ARHGEF10L: variants seen among roughly 807,000 people sequenced by gnomAD.
ARHGEF10L encodes rho guanine nucleotide exchange factor 10-like protein.
A neutral mutation model predicts 141.2 loss-of-function variants in ARHGEF10L; 69 were observed. That is an observed-to-expected ratio of 0.49 (90% CI 0.40 to 0.60). The LOEUF (loss-of-function observed/expected upper bound fraction) is 0.60. Ranked by LOEUF, ARHGEF10L falls within the 20% of genes least tolerant of loss-of-function variation. The pLI, the probability that ARHGEF10L is intolerant of heterozygous loss-of-function variation, is 0.00. For synonymous variants in ARHGEF10L, 711 were observed against 718.5 expected, an observed-to-expected ratio of 0.99 and a Z score of 0.17; for missense variants, 1,482 against 1,734.3, an observed-to-expected ratio of 0.85 and a Z score of 2.58.
At chr1:17,663,187 C>T (rs1021175887) in intron 25 of ARHGEF10L, among the ~76,000 whole-genome samples, 1 of 152,160 alleles carries the variant, frequency 6.6e-6, no homozygotes, top group Non-Finnish European at 1.5e-5. Flanking sequence ...GAGGGGAGGA[C>T]CTTGCTTGGG....
At chr1:17,658,308 G>T (rs1298871154) in intron 25 of ARHGEF10L, among the ~76,000 whole-genome samples, 9 of 152,174 alleles carry the variant, frequency 5.9e-5, no homozygotes, top group Non-Finnish European at 1.2e-4. Context: ...ATACAGATGA[G>T]GAGGCACAGT....
intron 21 of ARHGEF10L, among the ~76,000 whole-genome samples, chr1:17,646,150 G>A (rs1323480171): frequency 6.6e-6 from 1 of 152,202 alleles, no homozygotes; most frequent in Non-Finnish European, 1.5e-5. Flanking sequence ...ACATCATCAA[G>A]CCTGACATTT....
rs144721395 is a variant in ARHGEF10L, at chr1:17,591,367, C to T, written c.257+2888C>T. 3.5e-4 allele frequency among the ~76,000 whole-genome samples: 53 copies of T among 151,236 alleles called. 1 individual carries two copies. Among genetic ancestry groups the T allele is most frequent in the African/African-American group, 1.2e-3 (51 of 41,132 alleles). On this transcript the variant is annotated intron_variant, in intron 4 of 28. Transcript: ENST00000361221. ...GAGCGATTCTCCTGCCTTAGCCTCC[C>T]GAGTAGCTGGGACTACAGGCATGTG...
rs2060466329 is a variant in ARHGEF10L, at chr1:17,627,750, G to A, written c.1584+247G>A. 6.6e-6 allele frequency among the ~76,000 whole-genome samples: 1 copy of A among 152,198 alleles called. No homozygotes were observed. Among genetic ancestry groups the A allele is most frequent in the Non-Finnish European group, 1.5e-5 (1 of 68,022 alleles). On this transcript the variant is annotated intron_variant, in intron 15 of 28. Coordinates refer to ENST00000361221, the MANE Select transcript of ARHGEF10L (RefSeq NM_018125.4). This position sits in a 1 kb window ranked among gnomAD's most constrained non-coding sequence, Gnocchi z 4.0. ...AGTGTGATTTCCAGTAAAGTCTCCA[G>A]AAATCAAAGCCTAGTTAAATGAACA...
chr1:17,643,018 A>G (rs2061409215), intron 21 of ARHGEF10L, among the ~76,000 whole-genome samples: 1 of 152,198 alleles, frequency 6.6e-6, no homozygotes, highest in Non-Finnish European at 1.5e-5. Flanking sequence ...TTATCTCCAC[A>G]CAGCTTCACT....
At chr1:17,525,645 C>T in the ARHGEF10L span, among the ~76,000 whole-genome samples, 4 of 151,710 alleles carry the variant, frequency 2.6e-5, no homozygotes, top group Middle Eastern at 3.2e-3. Flanking sequence ...GGCAACAGAG[C>T]GAGACTCCTT....
intron 21 of ARHGEF10L, among the ~76,000 whole-genome samples, chr1:17,641,567 G>A (rs1381790514): frequency 1.3e-5 from 2 of 152,060 alleles, no homozygotes; most frequent in East Asian, 1.9e-4. Flanking sequence ...AGTTTGCGGC[G>A]AGCCAAGATC....
chr1:17,515,607 A>G, the ARHGEF10L span, among the ~76,000 whole-genome samples: 1 of 151,474 alleles, frequency 6.6e-6, no homozygotes, highest in Admixed American at 6.6e-5. Flanking sequence ...GCCAGATACT[A>G]TTTATTTTTC....
At chr1:17,555,229 T>A (rs1358038626) in intron 1 of ARHGEF10L, among the ~76,000 whole-genome samples, 2 of 152,116 alleles carry the variant, frequency 1.3e-5, no homozygotes, top group Non-Finnish European at 2.9e-5. Flanking sequence ...GCTGTGGTTT[T>A]CCATTGTTCT....
intron 1 of ARHGEF10L, among the ~76,000 whole-genome samples, chr1:17,544,290 A>G (rs1269217611): frequency 7.0e-6 from 1 of 142,310 alleles, no homozygotes; most frequent in Non-Finnish European, 1.5e-5. Context: ...ATATATATAT[A>G]TAATAATTTT....
intron 1 of ARHGEF10L, among the ~76,000 whole-genome samples, chr1:17,552,203 G>A (rs1351663863): frequency 2.0e-5 from 3 of 152,168 alleles, no homozygotes; most frequent in African/African-American, 7.2e-5. Context: ...GGCGAGGGGA[G>A]GGGGAGATGG....
At chr1:17,547,388 C>G (rs2076954192) in intron 1 of ARHGEF10L, among the ~76,000 whole-genome samples, 1 of 152,222 alleles carries the variant, frequency 6.6e-6, no homozygotes, top group African/African-American at 2.4e-5. Flanking sequence ...TGGAACCCCT[C>G]TTTCTCCTTG....
At position 17,625,922 on chromosome 1, in the gene ARHGEF10L, G is replaced by C; in HGVS notation, c.1318-34G>C. 1 of 1,598,934 alleles carries C rather than the reference G, an allele frequency of 6.3e-7. No individual in the cohort carries two copies. The highest frequency in any genetic ancestry group is 8.6e-7 in the Non-Finnish European group (1 of 1,166,976). ...TGGGGCACTGGGCCCTCTCTGCAGGGGGTCAGCGAATGACGGAACCTTGTC... is the reference window on the plus strand; with the variant it reads ...TGGGGCACTGGGCCCTCTCTGCAGGCGGTCAGCGAATGACGGAACCTTGTC... On this transcript the variant is annotated intron_variant, in intron 13 of 28. Coordinates refer to ENST00000361221, the MANE Select transcript of ARHGEF10L (RefSeq NM_018125.4). This position sits in a 1 kb window ranked among gnomAD's most constrained non-coding sequence, Gnocchi z 4.5.
rs1339454748 is a variant in ARHGEF10L at position 17,656,024 on chromosome 1, G to A, written c.2627G>A (p.Ser876Asn). Reference protein sequence around the residue: ...YIPELEEEAESRDESPTVADP... With the variant: ...YIPELEEEAENRDESPTVADP... ...CCGGAGCTGGAGGAGGAGGCGGAGA[G>A]CAGAGACGAGAGCCCGACAGTTGCT... is the stretch of plus-strand genomic sequence containing the variant. Residue 876 changes from serine (S) to asparagine (N), a missense_variant, in exon 24 of 29, where the codon AGC (serine) becomes AAC (asparagine). Around this residue, in one of 3 missense-constraint regions of ARHGEF10L, gnomAD observed 858 missense variants for 966.3 expected, o/e 0.89. Coordinates refer to ENST00000361221, the MANE Select transcript of ARHGEF10L (RefSeq NM_018125.4). The surrounding 1 kb of genome is among the most constrained non-coding windows in gnomAD (Gnocchi z 4.9). 2 of 1,571,986 alleles carry A rather than the reference G, an allele frequency of 1.3e-6. No homozygotes were observed. The highest frequency in any genetic ancestry group is 1.7e-6 in the Non-Finnish European group (2 of 1,157,966).
chr1:17,523,379 G>A, the ARHGEF10L span, among the ~76,000 whole-genome samples: 3 of 151,974 alleles, frequency 2.0e-5, no homozygotes, highest in South Asian at 2.1e-4. Flanking sequence ...GTGAGCCACC[G>A]CGCCCGGCCC....
chr1:17,591,989 G>A (rs990467027), intron 4 of ARHGEF10L, among the ~76,000 whole-genome samples: 1 of 152,358 alleles, frequency 6.6e-6, no homozygotes, highest in East Asian at 1.9e-4. Flanking sequence ...TGGCAGGGCT[G>A]GGACTAGGCC....
At chr1:17,588,573 C>A in intron 4 of ARHGEF10L, 94 bp downstream of exon 4, 1 of 1,506,418 alleles carries the variant, frequency 6.6e-7, no homozygotes, top group East Asian at 2.3e-5. Flanking sequence ...CCAGAGGACC[C>A]GACTGGTCTT....
chr1:17,670,932 G>A (rs1382866999), intron 26 of ARHGEF10L, among the ~76,000 whole-genome samples: 2 of 152,190 alleles, frequency 1.3e-5, no homozygotes, highest in Admixed American at 6.5e-5. Context: ...CTTAACTGCC[G>A]CCTCCTCAGT....
intron 7 of ARHGEF10L, among the ~76,000 whole-genome samples, chr1:17,611,705 A>T (rs558122691): frequency 6.6e-6 from 1 of 152,150 alleles, no homozygotes; most frequent in Admixed American, 6.5e-5. Flanking sequence ...CAACAACCCT[A>T]TGCAGTAGCT....
Sources: gnomAD v4.1 joint callset for allele counts (sites outside exome capture counted in the v4.1 genomes callset) on GRCh38, gnomAD v4.1.1 for gene constraint, gnomAD v4.1.1 regional missense constraint, Gnocchi (gnomAD v3.1) non-coding constraint, MANE v1.5 for transcripts, NCBI Gene and HGNC (gene_info 2026-07-23, HGNC 2026-07-21) for gene names.